ZFPM2: variants seen among roughly 807,000 people sequenced by gnomAD.
ZFPM2 encodes the protein zinc finger protein, FOG family member 2.
Under a neutral mutation model 98.6 loss-of-function variants are expected in ZFPM2, and 20 were observed. The observed-to-expected ratio is 0.20, with a 90% CI of 0.14 to 0.29. The LOEUF is 0.29. Among genes scored for constraint, ZFPM2 ranks in the 10% least tolerant of loss-of-function variants. The pLI is 1.00. For missense variants in ZFPM2, 1,310 were observed against 1,388.6 expected (o/e 0.94, Z 0.90); for synonymous variants, 518 against 502.7 (o/e 1.03, Z -0.41).
chr8:105,327,962 G>A (rs1283592385), intron 1 of ZFPM2, among the ~76,000 whole-genome samples: 4 of 151,710 alleles, frequency 2.6e-5, no homozygotes, highest in Non-Finnish European at 4.4e-5. Flanking sequence ...GTGCTGAGAA[G>A]TTCAAAGGCA....
intron 5 of ZFPM2, among the ~76,000 whole-genome samples, chr8:105,769,147 C>T (rs147520010): frequency 7.4e-4 from 112 of 152,068 alleles, no homozygotes; most frequent in African/African-American, 2.7e-3. Flanking sequence ...GATTTTCATA[C>T]TTTTGTTTAC....
intron 4 of ZFPM2, among the ~76,000 whole-genome samples, chr8:105,617,749 C>T (rs1352816352): frequency 3.3e-5 from 5 of 152,038 alleles, no homozygotes; most frequent in East Asian, 1.9e-4. Context: ...GAATTTTAAC[C>T]GAAAGTCATC....
intron 3 of ZFPM2, among the ~76,000 whole-genome samples, chr8:105,455,153 A>G (rs1179996653): frequency 6.6e-6 from 1 of 152,206 alleles, no homozygotes; most frequent in Non-Finnish European, 1.5e-5. Flanking sequence ...AGTAATGCAA[A>G]TATTCCAAAA....
intron 5 of ZFPM2, among the ~76,000 whole-genome samples, chr8:105,778,664 G>A (rs1428551154): frequency 6.6e-6 from 1 of 152,218 alleles, no homozygotes; most frequent in Non-Finnish European, 1.5e-5. Context: ...TTTTTCCATG[G>A]TATGTGGAGG....
intron 5 of ZFPM2, among the ~76,000 whole-genome samples, chr8:105,651,615 C>T (rs995985214): frequency 2.0e-4 from 31 of 152,190 alleles, no homozygotes; most frequent in Middle Eastern, 3.4e-3. Flanking sequence ...CTCTAAAAGG[C>T]CTTCTTTACC....
At chr8:105,528,207 G>A (rs1055282415) in intron 3 of ZFPM2, among the ~76,000 whole-genome samples, 32 of 152,150 alleles carry the variant, frequency 2.1e-4, no homozygotes, top group African/African-American at 7.7e-4. Flanking sequence ...TGAAGGATGA[G>A]TGGGTGTTTC....
chr8:105,550,241 C>T (rs1017878192), intron 3 of ZFPM2, among the ~76,000 whole-genome samples: 1 of 152,148 alleles, frequency 6.6e-6, no homozygotes, highest in African/African-American at 2.4e-5. Flanking sequence ...CCTGTGGCCC[C>T]GTCCTTCAGG....
chr8:105,792,069 T>C (rs1813631345), intron 6 of ZFPM2, among the ~76,000 whole-genome samples: 1 of 152,136 alleles, frequency 6.6e-6, no homozygotes, highest in South Asian at 2.1e-4. Flanking sequence ...TTTTGAAGGG[T>C]TTTTTGTGTC....
intron 1 of ZFPM2, among the ~76,000 whole-genome samples, chr8:105,335,806 A>G (rs1812314645): frequency 6.6e-6 from 1 of 151,820 alleles, no homozygotes; most frequent in East Asian, 1.9e-4. Context: ...AGTAATGAGG[A>G]TTATTGATGT....
intron 5 of ZFPM2, among the ~76,000 whole-genome samples, chr8:105,645,367 T>A (rs190063816): frequency 2.6e-5 from 4 of 152,366 alleles, no homozygotes; most frequent in African/African-American, 9.6e-5. Context: ...GCTCTTTTTA[T>A]GCGAATAGTC....
At chr8:105,631,740 T>C (rs1178013612) in intron 4 of ZFPM2, among the ~76,000 whole-genome samples, 1 of 152,148 alleles carries the variant, frequency 6.6e-6, no homozygotes, top group Non-Finnish European at 1.5e-5. Flanking sequence ...AGGCACAGGA[T>C]TGAGTTTGCT....
intron 5 of ZFPM2, among the ~76,000 whole-genome samples, chr8:105,644,493 T>C (rs1323074341): frequency 6.6e-6 from 1 of 151,804 alleles, no homozygotes; most frequent in East Asian, 1.9e-4. Flanking sequence ...TAAAATGCTC[T>C]GTCTCTCTCT....
chr8:105,668,517 G>A (rs1817528792), intron 5 of ZFPM2, among the ~76,000 whole-genome samples: 1 of 151,920 alleles, frequency 6.6e-6, no homozygotes, highest in Non-Finnish European at 1.5e-5. Flanking sequence ...AAAAAGTGGG[G>A]GTACATTTTT....
At chr8:105,499,258 A>G (rs1229302656) in intron 3 of ZFPM2, among the ~76,000 whole-genome samples, 1 of 152,114 alleles carries the variant, frequency 6.6e-6, no homozygotes, top group Admixed American at 6.6e-5. Flanking sequence ...TCCAGAAAAA[A>G]AAAAAAAGGG....
chr8:105,412,983 A>C (rs1295449875), intron 1 of ZFPM2, among the ~76,000 whole-genome samples: 2 of 151,918 alleles, frequency 1.3e-5, no homozygotes, highest in Non-Finnish European at 2.9e-5. Flanking sequence ...AGTAATTTCA[A>C]GCTAGAAACG....
At chr8:105,337,342 T>A (rs1356419036) in intron 1 of ZFPM2, among the ~76,000 whole-genome samples, 1 of 151,788 alleles carries the variant, frequency 6.6e-6, no homozygotes, top group Non-Finnish European at 1.5e-5. Flanking sequence ...ATAATAGATA[T>A]TTTTAGTCTC....
At chr8:105,650,131 C>G (rs1482365545) in intron 5 of ZFPM2, among the ~76,000 whole-genome samples, 2 of 152,044 alleles carry the variant, frequency 1.3e-5, no homozygotes, top group Non-Finnish European at 2.9e-5. Context: ...AGGAATTTAT[C>G]CATTTCTTCT....
At chr8:105,523,968 G>A (rs779764908) in intron 3 of ZFPM2, among the ~76,000 whole-genome samples, 14 of 152,118 alleles carry the variant, frequency 9.2e-5, no homozygotes, top group Non-Finnish European at 2.1e-4. Context: ...TCCCCAGACT[G>A]CTCCCTGAGC....
intron 4 of ZFPM2, among the ~76,000 whole-genome samples, chr8:105,597,027 A>G (rs1311423130): frequency 2.0e-5 from 3 of 151,804 alleles, no homozygotes; most frequent in Non-Finnish European, 4.4e-5. Flanking sequence ...TTTGTGTTTC[A>G]ATTTCCTGAC....
Sources: gnomAD v4.1 joint callset for allele counts (sites outside exome capture counted in the v4.1 genomes callset) on GRCh38, gnomAD v4.1.1 for gene constraint, MANE v1.5 for transcripts, NCBI Gene and HGNC (gene_info 2026-07-23, HGNC 2026-07-21) for gene names.